NUDCD1: variants seen among roughly 807,000 people sequenced by gnomAD.
The protein encoded by NUDCD1 is NudC domain containing 1, also known as nudC domain-containing protein 1.
Under a neutral mutation model 67.8 loss-of-function variants are expected in NUDCD1, and 60 were observed. That is an observed-to-expected ratio of 0.88 (90% CI 0.72 to 1.10). The LOEUF (loss-of-function observed/expected upper bound fraction) is 1.10, where lower values mean the gene tolerates loss of function less well. Among genes scored for constraint, NUDCD1 ranks in the 50% least tolerant of loss-of-function variants. The probability of loss-of-function intolerance (pLI) is 0.00; values close to 1 mark genes in which losing one functional copy is unlikely to be tolerated. For missense variants in NUDCD1, 643 were observed against 695.0 expected, an observed-to-expected ratio of 0.93 and a Z score of 0.84; for synonymous variants, 244 against 230.8, an observed-to-expected ratio of 1.06 and a Z score of -0.52.
At chr8:109,322,084 T>C (rs1242710452) in intron 2 of NUDCD1, among the ~76,000 whole-genome samples, 1 of 151,756 alleles carries the variant, frequency 6.6e-6, no homozygotes, top group Non-Finnish European at 1.5e-5. Flanking sequence ...TCCATGAGAG[T>C]TGCTGCCCAA....
chr8:109,326,546 A>T (rs147508721), intron 1 of NUDCD1, among the ~76,000 whole-genome samples: 27 of 152,354 alleles, frequency 1.8e-4, no homozygotes, highest in African/African-American at 3.4e-4. Context: ...TTGAAGAAGA[A>T]GAACTTTTTA....
intron 2 of NUDCD1, among the ~76,000 whole-genome samples, chr8:109,310,594 A>C (rs1815219393): frequency 6.6e-6 from 1 of 152,228 alleles, no homozygotes; most frequent in South Asian, 2.1e-4. Flanking sequence ...AAAACAAATG[A>C]GATTAAAAAC....
intron 8 of NUDCD1, among the ~76,000 whole-genome samples, chr8:109,257,634 A>C (rs1813767529): frequency 6.6e-6 from 1 of 152,140 alleles, no homozygotes; most frequent in Non-Finnish European, 1.5e-5. Flanking sequence ...TAGGAAAAAA[A>C]AATCAAGACT....
chr8:109,268,521 G>A (rs1194141664), intron 8 of NUDCD1, among the ~76,000 whole-genome samples: 1 of 151,958 alleles, frequency 6.6e-6, no homozygotes. Context: ...ATAAACTGGG[G>A]GTATCTTAGT....
chr8:109,251,166 TTC>T (rs1813613922), intron 8 of NUDCD1, among the ~76,000 whole-genome samples: 1 of 144,594 alleles, frequency 6.9e-6, no homozygotes, highest in South Asian at 2.3e-4. Context: ...TCTCATCTAT[TTC>T]TTTTTTTTTT....
intron 1 of NUDCD1, chr8:109,329,755 T>C: frequency 1.3e-6 from 2 of 1,495,572 alleles, no homozygotes; most frequent in Non-Finnish European, 1.8e-6. Context: ...TTGTCAATTA[T>C]GTCTTCATAA....
At chr8:109,252,815 A>G (rs1813651642) in intron 8 of NUDCD1, among the ~76,000 whole-genome samples, 1 of 152,180 alleles carries the variant, frequency 6.6e-6, no homozygotes, top group Admixed American at 6.5e-5. Flanking sequence ...GAGTCTTTAA[A>G]AAGTTATGAT....
chr8:109,275,587 T>A (rs1448096747), intron 6 of NUDCD1, 91 bp from the exon 7 acceptor site: 5 of 1,226,304 alleles, frequency 4.1e-6, no homozygotes, highest in Non-Finnish European at 5.7e-6. Flanking sequence ...CTATCTTCTA[T>A]AGAAAGAACC....
intron 8 of NUDCD1, among the ~76,000 whole-genome samples, chr8:109,254,385 G>C (rs1310475163): frequency 6.6e-6 from 1 of 151,982 alleles, no homozygotes; most frequent in Non-Finnish European, 1.5e-5. Context: ...GATTCCAAGG[G>C]GGAAAAGAAG....
chr8:109,325,121 A>G (rs888343425), intron 1 of NUDCD1, among the ~76,000 whole-genome samples: 2 of 152,020 alleles, frequency 1.3e-5, no homozygotes, highest in African/African-American at 4.8e-5. Flanking sequence ...CAGGTACAGA[A>G]AGACATCATA....
intron 2 of NUDCD1, among the ~76,000 whole-genome samples, chr8:109,310,102 T>A (rs1815207270): frequency 6.6e-6 from 1 of 151,980 alleles, no homozygotes; most frequent in African/African-American, 2.4e-5. Context: ...CCACCACCAT[T>A]CTTCACAGAA....
At chr8:109,311,999 C>T (rs1815264929) in intron 2 of NUDCD1, among the ~76,000 whole-genome samples, 1 of 151,878 alleles carries the variant, frequency 6.6e-6, no homozygotes, top group Admixed American at 6.6e-5. Flanking sequence ...TTGAACGGGA[C>T]AACTATAGTT....
At position 109,311,559 on chromosome 8, in the gene NUDCD1, G is replaced by GTGTGTGTATATATATATATA; in HGVS notation, c.273+10749_273+10750insTATATATATATATACACACA. 1.8e-4 allele frequency among the ~76,000 whole-genome samples: 22 copies of GTGTGTGTATATATATATATA among 125,164 alleles called. 2 individuals are homozygous for GTGTGTGTATATATATATATA. Among genetic ancestry groups the GTGTGTGTATATATATATATA allele is most frequent in the African/African-American group, 7.0e-4 (20 of 28,752 alleles). The allele number at this position is 125,164 out of a possible 152,430, so 82.1% of individuals were successfully genotyped here. On this transcript the variant is annotated intron_variant, in intron 2 of 9. Coordinates refer to ENST00000239690, the MANE Select transcript of NUDCD1 (RefSeq NM_032869.4). ...AATGAGTGGATAAAGAAACTGTGGT[G>GTGTGTGTATATATATATATA]TATATATATATATGATGGGATACTG...
chr8:109,305,566 C>T (rs184019996), intron 2 of NUDCD1, among the ~76,000 whole-genome samples: 58 of 152,208 alleles, frequency 3.8e-4, no homozygotes, highest in African/African-American at 1.2e-3. Context: ...AGCCTGTCCT[C>T]GAGATACTAC....
At chr8:109,291,121 A>G (rs140623107) in intron 4 of NUDCD1, among the ~76,000 whole-genome samples, 1 of 152,190 alleles carries the variant, frequency 6.6e-6, no homozygotes, top group Non-Finnish European at 1.5e-5. Context: ...CCGTGGTTAA[A>G]TATGTGGAGA....
intron 2 of NUDCD1, among the ~76,000 whole-genome samples, chr8:109,300,594 G>A (rs1473962714): frequency 6.6e-6 from 1 of 152,042 alleles, no homozygotes; most frequent in Admixed American, 6.5e-5. Context: ...CAAGAAGTCT[G>A]GGATTATGTT....
At position 109,242,905 on chromosome 8, in the gene NUDCD1, T is replaced by C. The variant is rs907342510; in HGVS notation, c.*104A>G. On this transcript the variant is annotated 3_prime_UTR_variant, in exon 10 of 10. Transcript: ENST00000239690. ...TTAAAAAATAAAAAATCATACAAGA[T>C]ATATTTAGCACATTAAAACTTAAGA... The C allele has an allele frequency of 7.5e-5, 45 of 602,258 alleles. No individual in the cohort carries two copies. The highest frequency in any genetic ancestry group is 9.7e-5 in the Non-Finnish European group (34 of 352,086). The allele number at this position is 602,258 out of a possible 1,614,324, so 37.3% of individuals were successfully genotyped here.
intron 8 of NUDCD1, among the ~76,000 whole-genome samples, chr8:109,260,170 C>A (rs750943667): frequency 6.6e-6 from 1 of 152,144 alleles, no homozygotes; most frequent in Non-Finnish European, 1.5e-5. Context: ...ACAATTATGA[C>A]CCAAAATCAA....
At chr8:109,246,860 T>A (rs1373266983) in intron 8 of NUDCD1, among the ~76,000 whole-genome samples, 1 of 152,132 alleles carries the variant, frequency 6.6e-6, no homozygotes, top group Non-Finnish European at 1.5e-5. Context: ...TGACCTGAAT[T>A]CAACAGGGAA....
Sources: gnomAD v4.1 joint callset for allele counts (sites outside exome capture counted in the v4.1 genomes callset) on GRCh38, gnomAD v4.1.1 for gene constraint, MANE v1.5 for transcripts, NCBI Gene and HGNC (gene_info 2026-07-23, HGNC 2026-07-21) for gene names.